Variants in TRIP11 observed in about 807,000 individuals in gnomAD.
The protein encoded by TRIP11 is thyroid receptor-interacting protein 11.
TRIP11 carries 148 observed loss-of-function variants against 223.1 expected under a neutral mutation model. That is an observed-to-expected ratio of 0.66 (90% CI 0.58 to 0.76). The LOEUF (loss-of-function observed/expected upper bound fraction) is 0.76, where lower values mean the gene tolerates loss of function less well. Ranked by LOEUF, TRIP11 falls within the 30% of genes least tolerant of loss-of-function variation. TRIP11 has a pLI of 0.00. For missense variants in TRIP11, 2,043 were observed against 2,222.0 expected (o/e 0.92, Z 1.62); for synonymous variants, 762 against 772.6 (o/e 0.99, Z 0.23).
intron 4 of TRIP11, 23 bp from the exon 5 acceptor site, chr14:92,017,773 G>A (rs749424560): frequency 6.3e-7 from 1 of 1,593,326 alleles, no homozygotes; most frequent in East Asian, 2.2e-5. Context: ...AAGAGAATTA[G>A]TAAATAATTA....
At position 92,037,852 on chromosome 14, in the gene TRIP11, G is replaced by A. The variant is rs966805280; in HGVS notation, c.139+1695C>T. On this transcript the variant is annotated intron_variant, in intron 1 of 20. Coordinates refer to ENST00000267622, the MANE Select transcript of TRIP11 (RefSeq NM_004239.4). The surrounding 1 kb of genome is among the most constrained non-coding windows in gnomAD (Gnocchi z 4.2). ...GATCGCGCCACTGCATCCAGCCTAC[G>A]CAACAGAGTGAGACTCAGTCCAAAA... 6.6e-6 allele frequency among the ~76,000 whole-genome samples: 1 copy of A among 152,196 alleles called. No homozygotes were observed. The highest frequency in any genetic ancestry group is 1.5e-5 in the Non-Finnish European group (1 of 68,034).
chr14:92,019,770 G>A (rs1188302848), intron 4 of TRIP11, among the ~76,000 whole-genome samples: 1 of 152,126 alleles, frequency 6.6e-6, no homozygotes, highest in Non-Finnish European at 1.5e-5. Flanking sequence ...GTGCCAACAT[G>A]ATGCCACAAG....
rs982254252 is a variant in TRIP11, at chr14:92,015,544, G to A, written c.823+152C>T. ...CATGGTGGCAGGCACCTGTAATCCA[G>A]CTACTTGGGAGGCTGATGCAGGAGA... On this transcript the variant is annotated intron_variant, in intron 6 of 20. Coordinates refer to ENST00000267622, the MANE Select transcript of TRIP11 (RefSeq NM_004239.4). The A allele has an allele frequency of 9.8e-5, 55 of 558,540 alleles. No homozygotes were observed. In the Middle Eastern group the frequency reaches 2.0e-3, roughly 21 times the overall value. 34.6% of individuals were successfully genotyped at this position (558,540 alleles called of 1,614,324 possible).
rs1427258831 is a variant in TRIP11 at position 92,003,899 on chromosome 14, T to C, written c.4077A>G (p.Lys1359=). Residue 1359 remains lysine, a synonymous_variant, in exon 11 of 21, where the codon AAA becomes AAG. Transcript: ENST00000267622. ...LEELRKSLQE[K]DATIRTLQEN... The stretch of plus-strand genomic sequence containing the variant: ...CCTGGAGAGTTCTAATTGTTGCATC[T>C]TTTTCCTGTAGTGATTTTCTTAGCT... 3 of 1,613,914 alleles carry C rather than the reference T, an allele frequency of 1.9e-6. No individual in the cohort carries two copies. In the Admixed American group the frequency reaches 5.0e-5, roughly 27 times the overall value.
intron 20 of TRIP11, 82 bp downstream of exon 20, chr14:91,972,635 T>G (rs1566842063): frequency 7.1e-7 from 1 of 1,407,584 alleles, no homozygotes. Context: ...TACTAAAAAT[T>G]TAGTTAATAT....
chr14:92,005,921 T>C lies in TRIP11; in HGVS notation c.2055A>G (p.Ala685=). The C allele has an allele frequency of 6.2e-7, 1 of 1,613,702 alleles. No individual in the cohort carries two copies. The highest frequency in any genetic ancestry group is 1.7e-4 in the Middle Eastern group (1 of 6,058). The change falls in exon 11 of 21, where the codon GCA becomes GCG. Residue 685 remains alanine (A), a synonymous_variant. Coordinates refer to ENST00000267622, the MANE Select transcript of TRIP11 (RefSeq NM_004239.4). ...VKMENEKLVL[A]CEDVRHQLEE... ...CTAACTGATGCCTCACATCTTCACA[T>C]GCTAAAACTAACTTTTCATTTTCCA...
chr14:92,007,983 C>T, intron 9 of TRIP11, 131 bp from the exon 10 acceptor site: 1 of 690,766 alleles, frequency 1.4e-6, no homozygotes, highest in Admixed American at 2.7e-5. Flanking sequence ...TGAACAATAC[C>T]TCAATAATTG....
At position 92,004,112 on chromosome 14, in the gene TRIP11, T is replaced by C. The variant is rs2140116561; in HGVS notation, c.3864A>G (p.Leu1288=). The C allele has an allele frequency of 6.2e-7, 1 of 1,614,246 alleles. No homozygotes were observed. The highest frequency in any genetic ancestry group is 1.3e-5 in the African/African-American group (1 of 75,066). The stretch of plus-strand genomic sequence containing the variant: ...GCCCAATGCTGTGCTGAACTTGTGC[T>C]AATTCCTGCCCAAAATTTTTGAGTT... The part of the protein sequence containing the change: ...ETKLKNFGQE[L]AQVQHSIGQL... Residue 1288 remains leucine (L), a synonymous_variant, in exon 11 of 21, where the codon TTA becomes TTG. Coordinates refer to ENST00000267622, the MANE Select transcript of TRIP11 (RefSeq NM_004239.4).
In TRIP11 at chr14:92,039,613, A is replaced by C. The variant is rs778002506; in HGVS notation, c.73T>G (p.Ser25Ala). The C allele has an allele frequency of 5.6e-6, 9 of 1,613,336 alleles. No individual in the cohort carries two copies. The highest frequency in any genetic ancestry group is 1.6e-4 in the Middle Eastern group (1 of 6,062). Residue 25 changes from serine (S) to alanine (A), a missense_variant, in exon 1 of 21, where the codon TCC becomes GCC. Coordinates refer to ENST00000267622, the MANE Select transcript of TRIP11 (RefSeq NM_004239.4). ...AAGTTTGATATCTGGCCAGTGAGGG[A>C]AGCCAGGCTGCCCCCGACTTGACCC... is the stretch of plus-strand genomic sequence containing the variant. ...SLGQVGGSLA[S>A]LTGQISNFTK...
Position 92,027,541 on chromosome 14 carries a change from T to C in TRIP11, c.202-2121A>G, listed in dbSNP as rs1167022090. Among the ~76,000 whole-genome samples the C allele has an allele frequency of 2.6e-5, 4 of 152,160 alleles. No individual in the cohort carries two copies. The East Asian group carries it at 7.7e-4, about 29-fold the overall frequency. On this transcript the variant is annotated intron_variant, in intron 2 of 20. Transcript: ENST00000267622. ...AATGTTGTCCAACAATAAACAGGAA[T>C]TTTGTTTTGCTGAGTTGTTCTAACA... is the stretch of plus-strand genomic sequence containing the variant.
chr14:91,975,404 AAAC>A (rs1566843482), intron 17 of TRIP11, 118 bp from the exon 18 acceptor site: 2 of 567,382 alleles, frequency 3.5e-6, no homozygotes, highest in South Asian at 2.7e-5. Flanking sequence ...AAAAAAGTCT[AAAC>A]AAAATATTTT....
At chr14:92,026,914 A>T in intron 2 of TRIP11, 4 of 1,445,438 alleles carry the variant, frequency 2.8e-6, no homozygotes, top group African/African-American at 1.4e-5. Flanking sequence ...AGTTAAACTA[A>T]AAAAAAGGCC....
Position 91,969,890 on chromosome 14 carries a change from G to A in TRIP11, c.5723C>T (p.Thr1908Ile). 1.2e-6 allele frequency: 2 copies of A among 1,613,424 alleles called. No individual in the cohort carries two copies. Among genetic ancestry groups the A allele is most frequent in the East Asian group, 2.2e-5 (1 of 44,870 alleles). The change falls in exon 21 of 21, where the codon ACA (threonine) becomes ATA (isoleucine). Residue 1908 changes from threonine to isoleucine, a missense_variant. Physicochemically the swap from Thr to Ile is moderately conservative, Grantham distance 89 (BLOSUM62 -1). Transcript: ENST00000267622. ...TCTTCTACCAGACCTGGATTCTGCTGTATCTAAAGAATAAAATATGGATTT... is the reference window on the plus strand; with the variant it reads ...TCTTCTACCAGACCTGGATTCTGCTATATCTAAAGAATAAAATATGGATTT... ...DTNAPESFKD[T>I]AESRSGRRTD...
At chr14:91,972,946 T>A in intron 19 of TRIP11, 85 bp from the exon 20 acceptor site, 2 of 1,151,618 alleles carry the variant, frequency 1.7e-6, no homozygotes, top group Non-Finnish European at 2.4e-6. Context: ...CTTTTCTAAT[T>A]AAATATTAAA....
chr14:91,997,550 G>A (rs2056766389), intron 13 of TRIP11, among the ~76,000 whole-genome samples: 1 of 152,044 alleles, frequency 6.6e-6, no homozygotes, highest in Non-Finnish European at 1.5e-5. Context: ...GCTAAATAAA[G>A]CACCCTTTAG....
rs1400000032 is a variant in TRIP11 at position 92,037,864 on chromosome 14, G to A, written c.139+1683C>T. ...GCATCCAGCCTACGCAACAGAGTGA[G>A]ACTCAGTCCAAAACTAAGAGGTTTG... is the stretch of plus-strand genomic sequence containing the variant. On this transcript the variant is annotated intron_variant, in intron 1 of 20. Transcript: ENST00000267622. This position sits in a 1 kb window ranked among gnomAD's most constrained non-coding sequence, Gnocchi z 4.2. Among the ~76,000 whole-genome samples the A allele has an allele frequency of 6.6e-6, 1 of 152,212 alleles. No homozygotes were observed. The highest frequency in any genetic ancestry group is 2.4e-5 in the African/African-American group (1 of 41,460).
At chr14:92,029,558 TTTACAGGCATGAGCCTGTAATCATGGA>T (rs1327036839) in intron 2 of TRIP11, among the ~76,000 whole-genome samples, 1 of 152,070 alleles carries the variant, frequency 6.6e-6, no homozygotes, top group African/African-American at 2.4e-5. Flanking sequence ...CCTCCCAAAG[TTTACAGGCATGAGCCTGTAATCATGGA>T]TTACAGGCGT....
At chr14:92,001,569 A>C (rs1215642179) in intron 11 of TRIP11, among the ~76,000 whole-genome samples, 2 of 152,236 alleles carry the variant, frequency 1.3e-5, no homozygotes, top group African/African-American at 4.8e-5. Flanking sequence ...AATTACCCTC[A>C]AGTAATACAA....
In TRIP11 at chr14:91,969,303, ACT is replaced by A. The variant is rs969230769; in HGVS notation, c.*368_*369del. On this transcript the variant is annotated 3_prime_UTR_variant, in exon 21 of 21. Transcript: ENST00000267622. The stretch of plus-strand genomic sequence containing the variant: ...TATTCTTCGTTTAAAAAAAAAAAAC[ACT>A]CTCTTGATAAACCACAATCTCTAGC... 6.2e-4 allele frequency: 192 copies of A among 308,502 alleles called. No homozygotes were observed. In the East Asian group the frequency reaches 8.3e-3, roughly 13 times the overall value. 19.1% of individuals were successfully genotyped at this position (308,502 alleles called of 1,614,324 possible). A position where few individuals can be genotyped will look rare whatever the true frequency, so the allele number is the denominator to read the frequency against.
Sources: allele counts gnomAD v4.1 joint callset (sites outside exome capture counted in the v4.1 genomes callset), GRCh38; gene constraint gnomAD v4.1.1; non-coding constraint Gnocchi (gnomAD v3.1); transcripts MANE v1.5; gene names NCBI Gene and HGNC (gene_info 2026-07-23, HGNC 2026-07-21).